RAB31: variants seen among roughly 807,000 people sequenced by gnomAD.
The protein encoded by RAB31 is RAB31, member RAS oncogene family.
RAB31 carries 21 observed loss-of-function variants against 25.6 expected under a neutral mutation model. The observed-to-expected ratio is 0.82, with a 90% CI of 0.58 to 1.18. The LOEUF (loss-of-function observed/expected upper bound fraction) is 1.18. Ranked by LOEUF, RAB31 falls within the 50% of genes most tolerant of loss-of-function variation. RAB31 has a pLI of 0.00. For synonymous variants in RAB31, 87 were observed against 84.0 expected (o/e 1.04, Z -0.20); for missense variants, 196 against 250.1 (o/e 0.78, Z 1.46).
At chr18:9,802,751 C>A (rs917635754) in intron 3 of RAB31, among the ~76,000 whole-genome samples, 3 of 152,178 alleles carry the variant, frequency 2.0e-5, no homozygotes, top group Non-Finnish European at 4.4e-5. Flanking sequence ...TGCACTGGCA[C>A]AAAGCTGTGC....
intron 1 of RAB31, 52 bp from the exon 2 acceptor site, chr18:9,775,226 C>T (rs1568175852): frequency 6.2e-7 from 1 of 1,611,792 alleles, no homozygotes; most frequent in Middle Eastern, 1.7e-4. Flanking sequence ...AACCTCACAA[C>T]CTGTGAGTTG....
In RAB31 at chr18:9,815,255, A is replaced by G. The variant is rs150896904; in HGVS notation, c.380+33A>G. On this transcript the variant is annotated intron_variant, in intron 5 of 6. Coordinates refer to ENST00000578921, the MANE Select transcript of RAB31 (RefSeq NM_006868.4). ...GCATTGAAATCTCTTTTGTGTAGAT[A>G]CTGTCCTCCATCCCTGAGTGTCATC... The G allele has an allele frequency of 5.2e-4, 742 of 1,416,342 alleles. 12 individuals carry two copies. In the African/African-American group the frequency reaches 8.0e-3, roughly 15 times the overall value. The allele number at this position is 1,416,342 out of a possible 1,614,324, so 87.7% of individuals were successfully genotyped here.
intron 3 of RAB31, among the ~76,000 whole-genome samples, chr18:9,797,085 C>T (rs2068490047): frequency 6.6e-6 from 1 of 152,196 alleles, no homozygotes; most frequent in Non-Finnish European, 1.5e-5. Flanking sequence ...AAGCAGCTGC[C>T]TGGGGCACCT....
intron 1 of RAB31, among the ~76,000 whole-genome samples, chr18:9,761,659 G>C (rs1381823702): frequency 2.0e-5 from 3 of 152,316 alleles, no homozygotes; most frequent in African/African-American, 7.2e-5. Flanking sequence ...CCAGGATGCA[G>C]TTCCTGGTGG....
chr18:9,732,291 G>A (rs531759119), intron 1 of RAB31, among the ~76,000 whole-genome samples: 5 of 152,348 alleles, frequency 3.3e-5, no homozygotes, highest in Admixed American at 3.3e-4. Context: ...GGCCCCTGGG[G>A]CAGGGGTTTC....
chr18:9,845,584 A>G lies in RAB31; in HGVS notation c.383A>G (p.Glu128Gly). The G allele has an allele frequency of 6.5e-7, 1 of 1,535,706 alleles. No individual in the cohort carries two copies. The highest frequency in any genetic ancestry group is 8.7e-7 in the Non-Finnish European group (1 of 1,143,818). ...GNKCDLSDIR[E>G]VPLKDAKEYA... ...TCTACATTTGACCTCTTTTCCAGGG[A>G]GGTTCCCCTGAAGGATGCTAAGGAA... The change falls in exon 6 of 7, where the codon GAG (glutamate) becomes GGG (glycine). Residue 128 changes from glutamate (E) to glycine (G), a missense_variant and splice_region_variant. Physicochemically the swap from Glu to Gly is moderately conservative, Grantham distance 98. Coordinates refer to ENST00000578921, the MANE Select transcript of RAB31 (RefSeq NM_006868.4).
intron 3 of RAB31, among the ~76,000 whole-genome samples, chr18:9,793,319 C>G (rs1176406867): frequency 6.6e-6 from 1 of 152,044 alleles, no homozygotes; most frequent in Admixed American, 6.6e-5. Flanking sequence ...CTCAAGTAAT[C>G]CTCCCACCTT....
chr18:9,831,543 A>G (rs1392764796), intron 5 of RAB31, among the ~76,000 whole-genome samples: 1 of 152,202 alleles, frequency 6.6e-6, no homozygotes, highest in Non-Finnish European at 1.5e-5. Flanking sequence ...GCTTCTCTGC[A>G]GCAGAAGGGA....
intron 3 of RAB31, among the ~76,000 whole-genome samples, chr18:9,813,212 C>T (rs116310140): frequency 7.1e-4 from 108 of 152,258 alleles, no homozygotes; most frequent in African/African-American, 2.5e-3. Context: ...TGAAGCCCCG[C>T]GTTGGAGAGG....
At chr18:9,742,294 A>C (rs1380936216) in intron 1 of RAB31, among the ~76,000 whole-genome samples, 1 of 152,214 alleles carries the variant, frequency 6.6e-6, no homozygotes, top group African/African-American at 2.4e-5. Flanking sequence ...GCAAACTTCT[A>C]CTGCTTCCTA....
intron 1 of RAB31, among the ~76,000 whole-genome samples, chr18:9,712,236 G>C (rs918027623): frequency 7.9e-5 from 12 of 152,258 alleles, no homozygotes; most frequent in Admixed American, 1.3e-4. Flanking sequence ...ACTGAAGAGC[G>C]TTGGGTTTGT....
intron 1 of RAB31, among the ~76,000 whole-genome samples, chr18:9,740,359 A>G (rs1056437851): frequency 6.6e-6 from 1 of 152,198 alleles, no homozygotes; most frequent in African/African-American, 2.4e-5. Context: ...AATTTGCATT[A>G]TTGCATCAGG....
chr18:9,760,641 C>T (rs1022747835), intron 1 of RAB31, among the ~76,000 whole-genome samples: 2 of 152,204 alleles, frequency 1.3e-5, no homozygotes, highest in Admixed American at 1.3e-4. Flanking sequence ...TGCTTCCCTT[C>T]TCCCTCTGTC....
chr18:9,801,462 T>A (rs1418929717), intron 3 of RAB31, among the ~76,000 whole-genome samples: 2 of 152,106 alleles, frequency 1.3e-5, no homozygotes, highest in African/African-American at 4.8e-5. Context: ...TTTGTATTTT[T>A]AGTAGAGACA....
rs1369925294 is a variant in RAB31, at chr18:9,828,064, G to A, written c.380+12842G>A. Among the ~76,000 whole-genome samples the A allele has an allele frequency of 2.6e-5, 4 of 152,190 alleles. No homozygotes were observed. The East Asian group carries it at 7.7e-4, about 29-fold the overall frequency. ...GAGGTATGTGCCACAGGCAGTTACG[G>A]ATGTGTTGGAGGAGGAAATTCCAGG... On this transcript the variant is annotated intron_variant, in intron 5 of 6. Coordinates refer to ENST00000578921, the MANE Select transcript of RAB31 (RefSeq NM_006868.4).
At position 9,815,165 on chromosome 18, in the gene RAB31, G is replaced by T; in HGVS notation, c.323G>T (p.Gly108Val). The T allele has an allele frequency of 1.3e-6, 2 of 1,557,610 alleles. No homozygotes were observed. The highest frequency in any genetic ancestry group is 1.7e-6 in the Non-Finnish European group (2 of 1,149,450). ...KKWVKELKEH[G>V]PENIVMAIAG... is the part of the protein sequence containing the mutation. ...TGGGTCAAGGAGCTGAAAGAACATG[G>T]TCCAGAAAACATTGTAATGGCCATC... Residue 108 changes from glycine to valine, a missense_variant, in exon 5 of 7, where the codon GGT becomes GTT. By Grantham distance (109) the Gly-to-Val change is moderately radical. Transcript: ENST00000578921.
chr18:9,744,855 T>C (rs939000735), intron 1 of RAB31, among the ~76,000 whole-genome samples: 1 of 151,636 alleles, frequency 6.6e-6, no homozygotes, highest in Admixed American at 6.6e-5. Context: ...AACACCTACA[T>C]TAAAAAAAGA....
chr18:9,724,028 T>C (rs925093250), intron 1 of RAB31, among the ~76,000 whole-genome samples: 3 of 152,008 alleles, frequency 2.0e-5, no homozygotes, highest in African/African-American at 7.3e-5. Flanking sequence ...ATTATTCACT[T>C]TGGGAGGCCG....
At chr18:9,779,343 A>G (rs765529466) in intron 2 of RAB31, among the ~76,000 whole-genome samples, 5 of 152,254 alleles carry the variant, frequency 3.3e-5, no homozygotes, top group African/African-American at 7.2e-5. Flanking sequence ...TTCAATTTAC[A>G]TAACCAATAT....
Sources: allele counts gnomAD v4.1 joint callset (sites outside exome capture counted in the v4.1 genomes callset), GRCh38; gene constraint gnomAD v4.1.1; transcripts MANE v1.5; gene names NCBI Gene and HGNC (gene_info 2026-07-23, HGNC 2026-07-21).